CEP120: variants seen among roughly 807,000 people sequenced by gnomAD.
CEP120 encodes the protein centrosomal protein of 120 kDa.
CEP120 carries 113 observed loss-of-function variants against 126.5 expected under a neutral mutation model. The ratio of observed to expected loss-of-function variants is 0.89; its 90% CI spans 0.77 to 1.04. The LOEUF (loss-of-function observed/expected upper bound fraction) is 1.04. CEP120 is among the 50% of genes least tolerant of loss of function. The pLI is 0.00. For synonymous variants in CEP120, 400 were observed against 394.3 expected, an observed-to-expected ratio of 1.01 and a Z score of -0.17; for missense variants, 1,230 against 1,155.7, an observed-to-expected ratio of 1.06 and a Z score of -0.93.
rs376913078 is a variant in CEP120, at chr5:123,393,293, T to C, written c.810+7A>G. On this transcript the variant is annotated splice_region_variant and intron_variant, in intron 6 of 19. Coordinates refer to ENST00000306467, the MANE Select transcript of CEP120 (RefSeq NM_001375405.1). ...TCCAGCTAAAAACGATTTGCTGCAA[T>C]ACTCACCTGCAGTTTAGACTGAAGA... 2.2e-4 allele frequency: 359 copies of C among 1,613,892 alleles called. 1 individual carries two copies. The African/African-American group carries it at 4.5e-3, about 20-fold the overall frequency.
chr5:123,415,031 A>G (rs1374397401), intron 3 of CEP120, among the ~76,000 whole-genome samples: 2 of 148,682 alleles, frequency 1.3e-5, no homozygotes, highest in Non-Finnish European at 3.0e-5. Context: ...TTAAATAATA[A>G]AAGTCACCAT....
At chr5:123,414,151 A>T (rs930990165) in intron 3 of CEP120, among the ~76,000 whole-genome samples, 2 of 152,214 alleles carry the variant, frequency 1.3e-5, no homozygotes, top group Admixed American at 1.3e-4. Flanking sequence ...CTCATCCCTC[A>T]GATACCCCCC....
intron 7 of CEP120, 164 bp downstream of exon 7, chr5:123,390,946 G>A: frequency 1.7e-6 from 1 of 602,660 alleles, no homozygotes; most frequent in Non-Finnish European, 2.9e-6. Flanking sequence ...AACCATAACA[G>A]AAGTCACAGC....
At chr5:123,360,288 A>G (rs150345954) in intron 18 of CEP120, among the ~76,000 whole-genome samples, 13 of 152,096 alleles carry the variant, frequency 8.5e-5, no homozygotes, top group Non-Finnish European at 1.3e-4. Context: ...TAATCTTACT[A>G]AAACAGTCAG....
intron 3 of CEP120, among the ~76,000 whole-genome samples, chr5:123,415,099 A>G (rs1027919166): frequency 7.9e-5 from 12 of 151,616 alleles, no homozygotes; most frequent in South Asian, 4.2e-4. Context: ...GCAGAGAGGT[A>G]CTGGTTAGAT....
intron 4 of CEP120, 144 bp from the exon 5 acceptor site, chr5:123,399,428 A>T: frequency 1.4e-6 from 1 of 704,020 alleles, no homozygotes; most frequent in Non-Finnish European, 2.3e-6. Context: ...TTACTCTCTT[A>T]CATACTCACC....
chr5:123,389,536 T>C (rs140586875), intron 8 of CEP120, among the ~76,000 whole-genome samples: 1,611 of 152,352 alleles, frequency 0.011, 110 homozygotes, highest in Admixed American at 0.085. Context: ...GTTCCGCTCT[T>C]GTTGCCCAGG....
chr5:123,378,473 C>T lies in CEP120; in HGVS notation c.2104-45G>A, dbSNP rs778419760. On this transcript the variant is annotated intron_variant, in intron 14 of 19. Coordinates refer to ENST00000306467, the MANE Select transcript of CEP120 (RefSeq NM_001375405.1). The stretch of plus-strand genomic sequence containing the variant: ...AAAAAAAAAAAGTTACCTACCTTCT[C>T]CCAAACTTAAAACACACACAAATTC... The T allele has an allele frequency of 2.3e-5, 26 of 1,145,060 alleles. No homozygotes were observed. The East Asian group carries it at 6.7e-4, about 29-fold the overall frequency. The allele number at this position is 1,145,060 out of a possible 1,614,324, so 70.9% of individuals were successfully genotyped here.
intron 18 of CEP120, among the ~76,000 whole-genome samples, chr5:123,359,486 T>A (rs557847791): frequency 6.6e-6 from 1 of 152,184 alleles, no homozygotes; most frequent in Admixed American, 6.6e-5. Context: ...CAACTTCACT[T>A]GAGTATTTGT....
intron 14 of CEP120, among the ~76,000 whole-genome samples, chr5:123,380,861 TAAC>T (rs1771590793): frequency 6.6e-6 from 1 of 152,134 alleles, no homozygotes; most frequent in African/African-American, 2.4e-5. Context: ...ACTCACTTAA[TAAC>T]AGGATAACTC....
rs1771404257 is a variant in CEP120 at position 123,378,411 on chromosome 5, A to G, written c.2121T>C (p.Ile707=). The G allele has an allele frequency of 1.3e-6, 2 of 1,593,884 alleles. No homozygotes were observed. Among genetic ancestry groups the G allele is most frequent in the East Asian group, 2.3e-5 (1 of 44,276 alleles). ...GAGTTTTTTGAAGTTTTCCTTCTAGAATAGTATATTCAGCCACCTAAAATA... is the reference window on the plus strand; with the variant it reads ...GAGTTTTTTGAAGTTTTCCTTCTAGGATAGTATATTCAGCCACCTAAAATA... ...LVKKKVAEYT[I]LEGKLQKTLI... The change falls in exon 15 of 20, where the codon ATT becomes ATC. Residue 707 remains isoleucine, a synonymous_variant. Coordinates refer to ENST00000306467, the MANE Select transcript of CEP120 (RefSeq NM_001375405.1).
At chr5:123,366,619 A>G (rs1462716425) in intron 17 of CEP120, among the ~76,000 whole-genome samples, 1 of 151,810 alleles carries the variant, frequency 6.6e-6, no homozygotes, top group Non-Finnish European at 1.5e-5. Context: ...AATATTTTCA[A>G]ATTCTATTCC....
At chr5:123,399,106 G>T (rs201833506) in intron 5 of CEP120, 30 bp downstream of exon 5, 1 of 1,488,998 alleles carries the variant, frequency 6.7e-7, no homozygotes, top group Non-Finnish European at 9.1e-7. Flanking sequence ...CAAATTATTC[G>T]TAAGTCACCA....
Position 123,423,329 on chromosome 5 carries a change from G to T in CEP120, c.-331C>A, listed in dbSNP as rs556138571. ...TTTCAAACGCCCGGGCGGCCGCAGC[G>T]GCCGCCGCCGCGCCCAGCTTCCGCC... On this transcript the variant is annotated 5_prime_UTR_variant, in exon 1 of 20. Transcript: ENST00000306467. 2.3e-5 allele frequency: 8 copies of T among 351,602 alleles called. No homozygotes were observed. The highest frequency in any genetic ancestry group is 4.6e-5 in the Admixed American group (1 of 21,858). The allele number at this position is 351,602 out of a possible 1,614,324, so 21.8% of individuals were successfully genotyped here. A position where few individuals can be genotyped will look rare whatever the true frequency, so the allele number is the denominator to read the frequency against.
intron 18 of CEP120, among the ~76,000 whole-genome samples, chr5:123,362,573 C>A (rs1237615190): frequency 6.6e-6 from 1 of 151,850 alleles, no homozygotes; most frequent in South Asian, 2.1e-4. Flanking sequence ...ATGTAGGGAT[C>A]TTTGTCAGGA....
At chr5:123,377,593 G>A (rs1003313066) in intron 15 of CEP120, 58 bp from the exon 16 acceptor site, 3 of 1,303,918 alleles carry the variant, frequency 2.3e-6, no homozygotes, top group South Asian at 1.5e-5. Context: ...TATACTATTC[G>A]ATATTCCAAT....
At chr5:123,376,432 G>A (rs2127031782) in intron 16 of CEP120, among the ~76,000 whole-genome samples, 1 of 152,222 alleles carries the variant, frequency 6.6e-6, no homozygotes, top group South Asian at 2.1e-4. Context: ...GATGAAGTCA[G>A]AGAGACAGGC....
At chr5:123,389,042 G>A (rs945783144) in intron 8 of CEP120, among the ~76,000 whole-genome samples, 1 of 152,170 alleles carries the variant, frequency 6.6e-6, no homozygotes, top group Admixed American at 6.5e-5. Context: ...TAAAAAGACA[G>A]ATATCTAGTC....
chr5:123,409,721 G>A (rs1284349792), intron 4 of CEP120, among the ~76,000 whole-genome samples: 1 of 152,138 alleles, frequency 6.6e-6, no homozygotes, highest in Non-Finnish European at 1.5e-5. Flanking sequence ...ACTTTGGGAG[G>A]CCGAGGCAGG....
Sources: gnomAD v4.1 joint callset for allele counts (sites outside exome capture counted in the v4.1 genomes callset) on GRCh38, gnomAD v4.1.1 for gene constraint, MANE v1.5 for transcripts, NCBI Gene and HGNC (gene_info 2026-07-23, HGNC 2026-07-21) for gene names.